Variants in NPPC observed in about 807,000 individuals in gnomAD.
NPPC encodes natriuretic peptide C.
NPPC carries 4 observed loss-of-function variants against 10.2 expected under a neutral mutation model. That is an observed-to-expected ratio of 0.39 (90% confidence interval 0.19 to 0.90). NPPC has a LOEUF of 0.90. NPPC is among the 40% of genes least tolerant of loss of function. NPPC has a pLI of 0.37. For synonymous variants in NPPC, 83 were observed against 87.3 expected (o/e 0.95, Z 0.27); for missense variants, 182 against 173.8 (o/e 1.05, Z -0.26).
intron 1 of NPPC, 115 bp from the exon 2 acceptor site, chr2:231,925,830 G>T (rs536386340): frequency 2.5e-5 from 31 of 1,246,438 alleles, no homozygotes; most frequent in South Asian, 3.4e-5. Flanking sequence ...GCCCAGAGCC[G>T]CCCCCACCGA....
Position 231,926,287 on chromosome 2 carries a change from C to T in NPPC, c.-38G>A. ...GTCGAGGGGCGCACACGGGCGGCAG[C>T]GAGGGCGCGCAGGTCGGCGGGCAGA... is the stretch of plus-strand genomic sequence containing the variant. On this transcript the variant is annotated 5_prime_UTR_variant, in exon 1 of 3. Transcript: ENST00000409852. The T allele has an allele frequency of 1.6e-6, 2 of 1,250,966 alleles. No homozygotes were observed. The highest frequency in any genetic ancestry group is 1.0e-6 in the Non-Finnish European group (1 of 991,764). The allele number at this position is 1,250,966 out of a possible 1,614,324, so 77.5% of individuals were successfully genotyped here.
rs1385297472 is a variant in NPPC at position 231,926,189 on chromosome 2, A to G, written c.61T>C (p.Ser21Pro). 13 of 1,312,802 alleles carry G rather than the reference A, an allele frequency of 9.9e-6. No individual in the cohort carries two copies. Among genetic ancestry groups the G allele is most frequent in the East Asian group, 3.1e-5 (1 of 32,570 alleles). 81.3% of individuals were successfully genotyped at this position (1,312,802 alleles called of 1,614,324 possible). Residue 21 changes from serine to proline, a missense_variant, in exon 1 of 3, where the codon TCC becomes CCC. Transcript: ENST00000409852. ...GGCGGCGCCCCGGGCTTGGCTTCGG[A>G]GGGCCGGAGGGAGAGCAGCGTGAGC... ...LLLTLLSLRP[S>P]EAKPGAPPKV... is the part of the protein sequence containing the mutation.
At chr2:231,924,676 G>C (rs1374779009) in intron 2 of NPPC, among the ~76,000 whole-genome samples, 1 of 152,240 alleles carries the variant, frequency 6.6e-6, no homozygotes, top group African/African-American at 2.4e-5. Flanking sequence ...TCCAGCCCTA[G>C]TGCGGGGTGA....
intron 2 of NPPC, among the ~76,000 whole-genome samples, chr2:231,923,466 C>G (rs576380028): frequency 6.6e-6 from 1 of 152,340 alleles, no homozygotes; most frequent in African/African-American, 2.4e-5. Context: ...TCCTGGGCAT[C>G]GTCACCAGGA....
In NPPC at chr2:231,926,194, CG is replaced by C; in HGVS notation, c.55del (p.Arg19GlyfsTer103). ...CALLLTLLSL[R>X]PSEAKPGAPP... ...CGCCCCGGGCTTGGCTTCGGAGGGC[CG>C]GAGGGAGAGCAGCGTGAGCAGCAGG... On this transcript the variant is annotated frameshift_variant, in exon 1 of 3. Transcript: ENST00000409852. LOFTEE classifies it high-confidence loss of function. The C allele has an allele frequency of 7.5e-7, 1 of 1,324,702 alleles. No individual in the cohort carries two copies. The highest frequency in any genetic ancestry group is 9.7e-7 in the Non-Finnish European group (1 of 1,035,134). The allele number at this position is 1,324,702 out of a possible 1,614,324, so 82.1% of individuals were successfully genotyped here. A position where few individuals can be genotyped will look rare whatever the true frequency, so the allele number is the denominator to read the frequency against.
At chr2:231,925,365 G>T in intron 2 of NPPC, 40 bp downstream of exon 2, 1 of 1,448,006 alleles carries the variant, frequency 6.9e-7, no homozygotes, top group Non-Finnish European at 9.1e-7. Flanking sequence ...GGGCGGTCCC[G>T]GGCCGGGCTG....
intron 1 of NPPC, 85 bp from the exon 2 acceptor site, chr2:231,925,800 G>C: frequency 7.2e-7 from 1 of 1,383,570 alleles, no homozygotes; most frequent in Non-Finnish European, 9.4e-7. Flanking sequence ...GCGCCCGCCG[G>C]CGCGGGGTGT....
In NPPC at chr2:231,925,607, C is replaced by A; in HGVS notation, c.199G>T (p.Asp67Tyr). Residue 67 changes from aspartate (D) to tyrosine (Y), a missense_variant, in exon 2 of 3, where the codon GAC becomes TAC. Transcript: ENST00000409852. ...AGGTCCCGGAGCAGTCGCGACCGGT[C>A]GCCCTTGAGATTGGCGCCCCCGCCC... ...PGGGGANLKG[D>Y]RSRLLRDLRV... 6.2e-7 allele frequency: 1 copy of A among 1,610,928 alleles called. No individual in the cohort carries two copies. Among genetic ancestry groups the A allele is most frequent in the East Asian group, 2.2e-5 (1 of 44,804 alleles).
intron 1 of NPPC, 113 bp downstream of exon 1, chr2:231,926,047 C>T: frequency 1.1e-6 from 1 of 878,410 alleles, no homozygotes; most frequent in Non-Finnish European, 1.6e-6. Flanking sequence ...ACGCGCATCT[C>T]GGAGGAGACA....
intron 2 of NPPC, among the ~76,000 whole-genome samples, chr2:231,923,442 C>T (rs565799319): frequency 2.0e-5 from 3 of 152,360 alleles, no homozygotes; most frequent in Non-Finnish European, 2.9e-5. Flanking sequence ...TTTCTCTTTA[C>T]GCCCAGTGAT....
intron 2 of NPPC, among the ~76,000 whole-genome samples, chr2:231,924,844 C>T (rs1259931375): frequency 6.6e-6 from 1 of 152,152 alleles, no homozygotes; most frequent in Non-Finnish European, 1.5e-5. Flanking sequence ...GAGATTCACC[C>T]CCGAAGCCAC....
rs184876703 is a variant in NPPC, at chr2:231,926,198, G to A, written c.52C>T (p.Leu18Phe). Reference protein sequence around the residue: ...ACALLLTLLSLRPSEAKPGAP... With the variant: ...ACALLLTLLSFRPSEAKPGAP... Reference sequence around the variant, plus strand: ...CCGGGCTTGGCTTCGGAGGGCCGGAGGGAGAGCAGCGTGAGCAGCAGGGCG... The same window carrying A: ...CCGGGCTTGGCTTCGGAGGGCCGGAAGGAGAGCAGCGTGAGCAGCAGGGCG... Residue 18 changes from leucine to phenylalanine, a missense_variant, in exon 1 of 3, where the codon CTC (leucine) becomes TTC (phenylalanine). Coordinates refer to ENST00000409852, the MANE Select transcript of NPPC (RefSeq NM_024409.4). 4.3e-4 allele frequency: 574 copies of A among 1,331,404 alleles called. 7 individuals are homozygous for A. The Admixed American group carries it at 0.018, about 41-fold the overall frequency. The allele number at this position is 1,331,404 out of a possible 1,614,324, so 82.5% of individuals were successfully genotyped here. A position where few individuals can be genotyped will look rare whatever the true frequency, so the allele number is the denominator to read the frequency against.
Position 231,926,254 on chromosome 2 carries a change from C to A in NPPC, c.-5G>T. 1 of 1,297,102 alleles carries A rather than the reference C, an allele frequency of 7.7e-7. No individual in the cohort carries two copies. The highest frequency in any genetic ancestry group is 2.4e-4 in the Middle Eastern group (1 of 4,096). 80.3% of individuals were successfully genotyped at this position (1,297,102 alleles called of 1,614,324 possible). On this transcript the variant is annotated 5_prime_UTR_variant, in exon 1 of 3. Coordinates refer to ENST00000409852, the MANE Select transcript of NPPC (RefSeq NM_024409.4). The stretch of plus-strand genomic sequence containing the variant: ...CAGCAGCTGGGAGAGATGCATGGTG[C>A]CGCTGGGGTCGAGGGGCGCACACGG...
At position 231,925,688 on chromosome 2, in the gene NPPC, G is replaced by C. The variant is rs755917056; in HGVS notation, c.118C>G (p.Leu40Val). ...CCGCCCGCAGCCTGCGGCTCGGCCA[G>C]CTCCTCTGCCGGCGGGGTTCGCGGG... ...KVPRTPPAEELAEPQAAGGGQ... is the reference protein window; with the variant it reads ...KVPRTPPAEEVAEPQAAGGGQ... Residue 40 changes from leucine to valine, a missense_variant, in exon 2 of 3, where the codon CTG becomes GTG. Physicochemically the swap from Leu to Val is conservative, Grantham distance 32 (BLOSUM62 1). Transcript: ENST00000409852. The C allele has an allele frequency of 2.5e-6, 4 of 1,588,234 alleles. No individual in the cohort carries two copies. The highest frequency in any genetic ancestry group is 1.1e-5 in the South Asian group (1 of 88,406).
rs768071387 is a variant in NPPC, at chr2:231,925,546, C to G, written c.260G>C (p.Arg87Pro). Reference sequence around the variant, plus strand: ...CGCGTTGGGGTGCTCTTGCAGAAGGCGAGCCCACGCTGCCCGCGACTTGGT... The same window carrying G: ...CGCGTTGGGGTGCTCTTGCAGAAGGGGAGCCCACGCTGCCCGCGACTTGGT... ...VDTKSRAAWA[R>P]LLQEHPNARK... The change falls in exon 2 of 3, where the codon CGC becomes CCC. Residue 87 changes from arginine to proline, a missense_variant. By Grantham distance (103) the Arg-to-Pro change is moderately radical. Coordinates refer to ENST00000409852, the MANE Select transcript of NPPC (RefSeq NM_024409.4). 1 of 1,612,582 alleles carries G rather than the reference C, an allele frequency of 6.2e-7. No individual in the cohort carries two copies. Among genetic ancestry groups the G allele is most frequent in the Admixed American group, 1.7e-5 (1 of 59,980 alleles).
chr2:231,925,592 G>A lies in NPPC; in HGVS notation c.214C>T (p.Leu72Phe). The A allele has an allele frequency of 6.2e-7, 1 of 1,611,926 alleles. No homozygotes were observed. The highest frequency in any genetic ancestry group is 1.1e-5 in the South Asian group (1 of 90,868). The change falls in exon 2 of 3, where the codon CTC becomes TTC. Residue 72 changes from leucine to phenylalanine, a missense_variant. Leu to Phe is a conservative substitution (Grantham distance 22). Coordinates refer to ENST00000409852, the MANE Select transcript of NPPC (RefSeq NM_024409.4). ...TTGGTGTCCACGCGCAGGTCCCGGA[G>A]CAGTCGCGACCGGTCGCCCTTGAGA... ...ANLKGDRSRL[L>F]RDLRVDTKSR...
At chr2:231,925,306 C>G in intron 2 of NPPC, 99 bp downstream of exon 2, 1 of 1,054,130 alleles carries the variant, frequency 9.5e-7, no homozygotes, top group African/African-American at 1.7e-5. Context: ...ACGCCTAGCA[C>G]AACTTGAGCA....
chr2:231,924,826 C>T (rs1428642224), intron 2 of NPPC, among the ~76,000 whole-genome samples: 2 of 152,192 alleles, frequency 1.3e-5, no homozygotes, highest in Admixed American at 6.5e-5. Context: ...AATAGTGCCA[C>T]AAGCACTGAG....
At chr2:231,924,267 A>G (rs1691969034) in intron 2 of NPPC, among the ~76,000 whole-genome samples, 1 of 152,238 alleles carries the variant, frequency 6.6e-6, no homozygotes, top group African/African-American at 2.4e-5. Flanking sequence ...GCTGTTCAAT[A>G]TGGAGAGGTG....
Sources: gnomAD v4.1 joint callset for allele counts (sites outside exome capture counted in the v4.1 genomes callset) on GRCh38, gnomAD v4.1.1 for gene constraint, MANE v1.5 for transcripts, NCBI Gene and HGNC (gene_info 2026-07-23, HGNC 2026-07-21) for gene names.